CDH18: variants seen among roughly 807,000 people sequenced by gnomAD.
CDH18 encodes the protein cadherin 18, also known as cadherin-18.
CDH18 carries 31 observed loss-of-function variants against 67.9 expected under a neutral mutation model. The ratio of observed to expected loss-of-function variants is 0.46; its 90% CI spans 0.34 to 0.62. CDH18 has a LOEUF of 0.62. Among genes scored for constraint, CDH18 ranks in the 20% least tolerant of loss-of-function variants. CDH18 has a pLI of 0.01. For synonymous variants in CDH18, 362 were observed against 347.2 expected (o/e 1.04, Z -0.48); for missense variants, 890 against 975.5 (o/e 0.91, Z 1.17).
chr5:20,504,238 AACTTT>A (rs1420208243), intron 1 of CDH18, among the ~76,000 whole-genome samples: 1 of 152,130 alleles, frequency 6.6e-6, no homozygotes, highest in East Asian at 1.9e-4. Context: ...AAGAAGCAAA[AACTTT>A]ACTTAGTTTC....
chr5:19,792,040 T>C (rs1453856601), intron 3 of CDH18, among the ~76,000 whole-genome samples: 1 of 152,186 alleles, frequency 6.6e-6, no homozygotes, highest in Non-Finnish European at 1.5e-5. Flanking sequence ...GTTTCTGAGT[T>C]TTAATTGATT....
At chr5:19,535,909 T>C (rs1007488869) in intron 9 of CDH18, among the ~76,000 whole-genome samples, 2 of 152,166 alleles carry the variant, frequency 1.3e-5, no homozygotes, top group African/African-American at 4.8e-5. Context: ...TTCCTTTTGG[T>C]GAACTGACCA....
intron 2 of CDH18, among the ~76,000 whole-genome samples, chr5:20,023,699 C>T (rs1224639616): frequency 6.6e-6 from 1 of 150,494 alleles, no homozygotes; most frequent in East Asian, 2.0e-4. Context: ...TATTTATGTA[C>T]TGATACTTTC....
At chr5:19,725,940 C>T (rs1766789584) in intron 4 of CDH18, among the ~76,000 whole-genome samples, 1 of 152,168 alleles carries the variant, frequency 6.6e-6, no homozygotes, top group South Asian at 2.1e-4. Flanking sequence ...TTAGCTCTGG[C>T]CCTGAAATAG....
chr5:20,562,280 G>A (rs1758263071), intron 1 of CDH18, among the ~76,000 whole-genome samples: 1 of 151,712 alleles, frequency 6.6e-6, no homozygotes, highest in South Asian at 2.1e-4. Flanking sequence ...GTTGCTTGGG[G>A]ACAAGGAGAA....
At chr5:20,338,515 G>A (rs984084489) in intron 1 of CDH18, among the ~76,000 whole-genome samples, 2 of 152,168 alleles carry the variant, frequency 1.3e-5, no homozygotes, top group Non-Finnish European at 2.9e-5. Context: ...TTTGCAAATG[G>A]AAAAGTTTAC....
chr5:20,482,822 T>A (rs974058764), intron 1 of CDH18, among the ~76,000 whole-genome samples: 1 of 152,026 alleles, frequency 6.6e-6, no homozygotes, highest in Non-Finnish European at 1.5e-5. Flanking sequence ...GTACTATACT[T>A]AATGGGGGAA....
chr5:19,754,367 A>T lies in CDH18; in HGVS notation c.229-7131T>A, dbSNP rs114163706. Among the ~76,000 whole-genome samples, 963 of 152,332 alleles carry T rather than the reference A, an allele frequency of 6.3e-3. 9 individuals carry two copies. The highest frequency in any genetic ancestry group is 0.022 in the African/African-American group (931 of 41,580). Reference sequence around the variant, plus strand: ...AAAGGAAGCAGGAGTAGCTATTCTTATATCAGAAAAAGACAAACTTTAAAA... The same window carrying T: ...AAAGGAAGCAGGAGTAGCTATTCTTTTATCAGAAAAAGACAAACTTTAAAA... On this transcript the variant is annotated intron_variant, in intron 3 of 12. Transcript: ENST00000382275.
At chr5:20,060,431 T>G (rs894358905) in intron 2 of CDH18, among the ~76,000 whole-genome samples, 12 of 151,830 alleles carry the variant, frequency 7.9e-5, no homozygotes, top group Non-Finnish European at 1.3e-4. Flanking sequence ...GCCACTGCAC[T>G]CCAGCCTGGG....
intron 1 of CDH18, among the ~76,000 whole-genome samples, chr5:20,356,552 T>C (rs1310882666): frequency 6.6e-6 from 1 of 152,066 alleles, no homozygotes; most frequent in Non-Finnish European, 1.5e-5. Flanking sequence ...AGACAGCATG[T>C]AGATTAAATC....
intron 7 of CDH18, among the ~76,000 whole-genome samples, chr5:19,580,688 T>C (rs770755457): frequency 6.6e-6 from 1 of 151,906 alleles, no homozygotes; most frequent in Non-Finnish European, 1.5e-5. Context: ...ATTGTTCCCA[T>C]CTACAAATGA....
At chr5:20,006,999 G>A (rs973554077) in intron 2 of CDH18, among the ~76,000 whole-genome samples, 1 of 151,764 alleles carries the variant, frequency 6.6e-6, no homozygotes, top group Non-Finnish European at 1.5e-5. Context: ...CAAATATTGA[G>A]TTAAATTTTT....
chr5:20,519,942 CTTTTTTTTTTTTTTTT>C (rs777265512), intron 1 of CDH18, among the ~76,000 whole-genome samples: 91 of 41,654 alleles, frequency 2.2e-3, no homozygotes, highest in African/African-American at 6.4e-3. Context: ...ACAGTCTTGG[CTTTTTTTTTTTTTTTT>C]TTTTTTTTTT....
At chr5:20,418,830 G>A (rs191263985) in intron 1 of CDH18, among the ~76,000 whole-genome samples, 28 of 152,220 alleles carry the variant, frequency 1.8e-4, no homozygotes, top group Admixed American at 9.2e-4. Flanking sequence ...GTCCTAATGT[G>A]ATAGTGTTAG....
intron 5 of CDH18, among the ~76,000 whole-genome samples, chr5:19,683,508 G>A (rs537898332): frequency 9.9e-5 from 15 of 152,090 alleles, no homozygotes; most frequent in African/African-American, 3.6e-4. Flanking sequence ...TTTGACTCTG[G>A]CTAATGGACT....
chr5:19,819,368 C>T (rs1779615103), intron 3 of CDH18, among the ~76,000 whole-genome samples: 1 of 152,028 alleles, frequency 6.6e-6, no homozygotes, highest in Non-Finnish European at 1.5e-5. Context: ...ATGTCTCTTC[C>T]AACAAGAGAA....
chr5:20,461,457 A>C (rs951384705), intron 1 of CDH18, among the ~76,000 whole-genome samples: 1 of 152,170 alleles, frequency 6.6e-6, no homozygotes, highest in Admixed American at 6.6e-5. Flanking sequence ...TAATCTTCTG[A>C]GGCTATGCCC....
chr5:20,355,999 A>G (rs1366761803), intron 1 of CDH18, among the ~76,000 whole-genome samples: 2 of 152,264 alleles, frequency 1.3e-5, no homozygotes, highest in East Asian at 1.9e-4. Flanking sequence ...TACTTTATTT[A>G]CAATATCTGT....
At chr5:20,027,677 T>C (rs1032341310) in intron 2 of CDH18, among the ~76,000 whole-genome samples, 5 of 152,228 alleles carry the variant, frequency 3.3e-5, no homozygotes, top group Non-Finnish European at 1.5e-5. Flanking sequence ...TTTGAGACTT[T>C]GTCTCATCTA....
Sources: allele counts gnomAD v4.1 joint callset (sites outside exome capture counted in the v4.1 genomes callset), GRCh38; gene constraint gnomAD v4.1.1; transcripts MANE v1.5; gene names NCBI Gene and HGNC (gene_info 2026-07-23, HGNC 2026-07-21).